ADGRB3: variants seen among roughly 807,000 people sequenced by gnomAD.
ADGRB3 encodes the protein adhesion G protein-coupled receptor B3.
A neutral mutation model predicts 193.4 loss-of-function variants in ADGRB3; 37 were observed. The observed-to-expected ratio is 0.19, with a 90% CI of 0.15 to 0.25. ADGRB3 has a LOEUF of 0.25. Ranked by LOEUF, ADGRB3 falls within the 10% of genes least tolerant of loss-of-function variation. The pLI is 1.00. For missense variants in ADGRB3, 1,637 were observed against 1,852.9 expected, an observed-to-expected ratio of 0.88 and a Z score of 2.14; for synonymous variants, 690 against 644.2, an observed-to-expected ratio of 1.07 and a Z score of -1.08.
chr6:69,310,242 C>T (rs1264155677), intron 20 of ADGRB3, among the ~76,000 whole-genome samples: 3 of 151,590 alleles, frequency 2.0e-5, no homozygotes, highest in South Asian at 2.1e-4. Context: ...TATGATAAGA[C>T]GAAATGGTAT....
intron 17 of ADGRB3, among the ~76,000 whole-genome samples, chr6:69,207,357 G>C (rs922595444): frequency 6.6e-6 from 1 of 152,162 alleles, no homozygotes; most frequent in Non-Finnish European, 1.5e-5. Flanking sequence ...TGATAAATGT[G>C]CCAGAGTAAC....
chr6:69,111,115 G>A (rs1035029250), intron 17 of ADGRB3, among the ~76,000 whole-genome samples: 5 of 152,174 alleles, frequency 3.3e-5, no homozygotes, highest in African/African-American at 1.2e-4. Context: ...AATCACATTA[G>A]AATCATTTAG....
intron 3 of ADGRB3, among the ~76,000 whole-genome samples, chr6:68,883,599 C>G (rs910290787): frequency 6.6e-6 from 1 of 151,964 alleles, no homozygotes; most frequent in Non-Finnish European, 1.5e-5. Context: ...CAACTCTGGA[C>G]TGGAGGAATG....
intron 3 of ADGRB3, among the ~76,000 whole-genome samples, chr6:68,645,269 C>T (rs1322853337): frequency 6.6e-6 from 1 of 151,786 alleles, no homozygotes; most frequent in Non-Finnish European, 1.5e-5. Context: ...TCTATATTAT[C>T]ACTTTCTTCT....
intron 13 of ADGRB3, among the ~76,000 whole-genome samples, chr6:69,031,901 G>A (rs963782674): frequency 6.6e-6 from 1 of 152,112 alleles, no homozygotes; most frequent in Non-Finnish European, 1.5e-5. Context: ...AAAAGTGTTG[G>A]GATTACAGAT....
At chr6:69,269,432 G>T (rs1479247428) in intron 20 of ADGRB3, among the ~76,000 whole-genome samples, 1 of 152,104 alleles carries the variant, frequency 6.6e-6, no homozygotes, top group Non-Finnish European at 1.5e-5. Flanking sequence ...AGCTAAGCTT[G>T]TATGTTTATT....
At chr6:68,944,734 C>G (rs1162438702) in intron 6 of ADGRB3, among the ~76,000 whole-genome samples, 3 of 151,984 alleles carry the variant, frequency 2.0e-5, no homozygotes, top group African/African-American at 7.2e-5. Context: ...GAATAATGTC[C>G]AGCTTCAAAG....
intron 17 of ADGRB3, among the ~76,000 whole-genome samples, chr6:69,099,463 CTGTCAGCAGAAAAT>C (rs1772971957): frequency 6.6e-6 from 1 of 152,134 alleles, no homozygotes; most frequent in African/African-American, 2.4e-5. Flanking sequence ...TGCTATGTTA[CTGTCAGCAGAAAAT>C]TCTTCTCATT....
intron 11 of ADGRB3, among the ~76,000 whole-genome samples, chr6:69,012,413 A>G (rs1041055116): frequency 1.3e-5 from 2 of 151,982 alleles, no homozygotes; most frequent in African/African-American, 4.8e-5. Flanking sequence ...CATTAGCACC[A>G]TGTCCCCTAC....
At chr6:68,910,117 A>G (rs1366249333) in intron 3 of ADGRB3, among the ~76,000 whole-genome samples, 3 of 152,104 alleles carry the variant, frequency 2.0e-5, no homozygotes, top group Admixed American at 1.3e-4. Context: ...GTGAGATGGT[A>G]TCTCATTGTG....
intron 3 of ADGRB3, among the ~76,000 whole-genome samples, chr6:68,652,728 T>G (rs1275987927): frequency 6.6e-6 from 1 of 152,168 alleles, no homozygotes; most frequent in Admixed American, 6.6e-5. Flanking sequence ...TCTCCTTTAT[T>G]GTTTTGATAA....
intron 17 of ADGRB3, among the ~76,000 whole-genome samples, chr6:69,115,144 A>G (rs1044943956): frequency 6.6e-6 from 1 of 152,208 alleles, no homozygotes; most frequent in Non-Finnish European, 1.5e-5. Flanking sequence ...ACACATGCAC[A>G]TGTATGTTTA....
chr6:68,860,141 A>G (rs1765111250), intron 3 of ADGRB3, among the ~76,000 whole-genome samples: 1 of 152,096 alleles, frequency 6.6e-6, no homozygotes, highest in East Asian at 1.9e-4. Flanking sequence ...TGTATTCAGT[A>G]TGTTGTGTTA....
At chr6:68,777,177 T>C (rs553234388) in intron 3 of ADGRB3, among the ~76,000 whole-genome samples, 1 of 152,238 alleles carries the variant, frequency 6.6e-6, no homozygotes, top group African/African-American at 2.4e-5. Context: ...AACCCCGCAC[T>C]GTAATAGCAT....
Position 68,728,496 on chromosome 6 carries a change from C to T in ADGRB3, c.757+89064C>T, listed in dbSNP as rs1241219849. 5.3e-5 allele frequency among the ~76,000 whole-genome samples: 8 copies of T among 151,614 alleles called. No individual in the cohort carries two copies. The South Asian group carries it at 1.5e-3, about 28-fold the overall frequency. ...CACAGAGACTAATTTCCTTTAAAAA[C>T]TATTTTTAAAAACACTCGTGCACAC... On this transcript the variant is annotated intron_variant, in intron 3 of 31. Transcript: ENST00000370598.
At chr6:68,760,437 C>G (rs1766376334) in intron 3 of ADGRB3, among the ~76,000 whole-genome samples, 2 of 152,122 alleles carry the variant, frequency 1.3e-5, no homozygotes, top group Admixed American at 6.6e-5. Flanking sequence ...CACGTTAAGC[C>G]TTATGAAAGT....
At chr6:69,276,305 A>C (rs1293756328) in intron 20 of ADGRB3, among the ~76,000 whole-genome samples, 1 of 152,242 alleles carries the variant, frequency 6.6e-6, no homozygotes, top group African/African-American at 2.4e-5. Context: ...TCCAGATATC[A>C]GCAAAAGGCC....
At chr6:68,732,635 T>C (rs1358073846) in intron 3 of ADGRB3, among the ~76,000 whole-genome samples, 3 of 151,774 alleles carry the variant, frequency 2.0e-5, no homozygotes, top group Non-Finnish European at 2.9e-5. Flanking sequence ...GGTGGAACAA[T>C]AGTCAGTTTA....
At chr6:69,308,423 A>C (rs1439864115) in intron 20 of ADGRB3, among the ~76,000 whole-genome samples, 1 of 151,642 alleles carries the variant, frequency 6.6e-6, no homozygotes, top group Non-Finnish European at 1.5e-5. Flanking sequence ...GAGTTCATTA[A>C]ATGAAGTATA....
Sources: allele counts gnomAD v4.1 joint callset (sites outside exome capture counted in the v4.1 genomes callset), GRCh38; gene constraint gnomAD v4.1.1; transcripts MANE v1.5; gene names NCBI Gene and HGNC (gene_info 2026-07-23, HGNC 2026-07-21).